The following LDAF1 variants were observed in gnomAD, a reference collection of about 807,000 sequenced individuals.
LDAF1 encodes lipid droplet assembly factor 1, also known as PROMETHIN.
Under a neutral mutation model 13.5 loss-of-function variants are expected in LDAF1, and 7 were observed. The observed-to-expected ratio is 0.52, with a 90% CI of 0.29 to 0.97. The LOEUF is 0.97. LDAF1 is among the 50% of genes least tolerant of loss of function. The probability of loss-of-function intolerance (pLI) is 0.07; values close to 1 mark genes in which losing one functional copy is unlikely to be tolerated. For synonymous variants in LDAF1, 69 were observed against 77.1 expected (o/e 0.89, Z 0.55); for missense variants, 148 against 193.2 (o/e 0.77, Z 1.39).
chr16:21,168,156 C>A (rs1379371425), intron 2 of LDAF1, among the ~76,000 whole-genome samples: 5 of 151,934 alleles, frequency 3.3e-5, no homozygotes, highest in African/African-American at 9.7e-5. Flanking sequence ...CTGGGACTAC[C>A]AGCACGCGCC....
chr16:21,178,061 C>A, intron 4 of LDAF1: 1 of 348,886 alleles, frequency 2.9e-6, no homozygotes, highest in Non-Finnish European at 4.0e-6. Flanking sequence ...GATAATACAG[C>A]TTAAATTTTT....
intron 2 of LDAF1, chr16:21,169,060 G>A (rs1040276125): frequency 2.2e-5 from 7 of 311,396 alleles, no homozygotes; most frequent in South Asian, 2.5e-4. Flanking sequence ...AATAATAATA[G>A]ACAAGTGATT....
chr16:21,163,138 C>T (rs1159854153), intron 2 of LDAF1, among the ~76,000 whole-genome samples: 1 of 152,146 alleles, frequency 6.6e-6, no homozygotes, highest in East Asian at 1.9e-4. Context: ...TGGTTAGGAA[C>T]GCTAGAGAAC....
chr16:21,180,073 T>C lies in LDAF1; in HGVS notation c.*517T>C, dbSNP rs1242146864. On this transcript the variant is annotated 3_prime_UTR_variant, in exon 5 of 5. Coordinates refer to ENST00000233047, the MANE Select transcript of LDAF1 (RefSeq NM_001301771.2). ...TCCAAGTTGGAAAATAGAGTCCAAATGTAACTTTGTGGCCAAGAGTATTTT... is the reference window on the plus strand; with the variant it reads ...TCCAAGTTGGAAAATAGAGTCCAAACGTAACTTTGTGGCCAAGAGTATTTT... 1 of 156,202 alleles carries C rather than the reference T, an allele frequency of 6.4e-6. No homozygotes were observed. Among genetic ancestry groups the C allele is most frequent in the African/African-American group, 2.4e-5 (1 of 41,452 alleles). The allele number at this position is 156,202 out of a possible 1,614,324, so 9.7% of individuals were successfully genotyped here. A position where few individuals can be genotyped will look rare whatever the true frequency, so the allele number is the denominator to read the frequency against.
chr16:21,162,577 A>G (rs2092987128), intron 2 of LDAF1, among the ~76,000 whole-genome samples: 1 of 152,190 alleles, frequency 6.6e-6, no homozygotes, highest in Non-Finnish European at 1.5e-5. Context: ...TAACAAAATG[A>G]ACTATTTTGT....
intron 4 of LDAF1, among the ~76,000 whole-genome samples, chr16:21,179,152 G>T (rs944986165): frequency 2.0e-5 from 3 of 152,112 alleles, no homozygotes; most frequent in African/African-American, 4.8e-5. Context: ...TTCAGTTTTT[G>T]TCCATTGGTA....
At chr16:21,163,014 A>G (rs2092991074) in intron 2 of LDAF1, among the ~76,000 whole-genome samples, 1 of 152,198 alleles carries the variant, frequency 6.6e-6, no homozygotes, top group Admixed American at 6.5e-5. Context: ...GTTAATATAT[A>G]TTGTTGATCA....
intron 1 of LDAF1, chr16:21,159,352 T>C (rs771980815): frequency 6.2e-7 from 1 of 1,614,012 alleles, no homozygotes; most frequent in Non-Finnish European, 8.5e-7. Context: ...CCTCCTCTCC[T>C]TGGGTCTCCC....
At chr16:21,159,578 T>A in intron 1 of LDAF1, 1 of 837,560 alleles carries the variant, frequency 1.2e-6, no homozygotes, top group Non-Finnish European at 1.9e-6. Context: ...GGTGTTGGCC[T>A]GGCCCAGTCC....
chr16:21,173,921 G>T, intron 3 of LDAF1, 89 bp from the exon 4 acceptor site: 1 of 1,276,686 alleles, frequency 7.8e-7, no homozygotes, highest in Non-Finnish European at 1.1e-6. Context: ...CTGAGTTAGC[G>T]GTTGTTATTT....
chr16:21,172,947 A>G (rs921901766), intron 3 of LDAF1: 27 of 481,632 alleles, frequency 5.6e-5, no homozygotes, highest in Non-Finnish European at 7.3e-5. Flanking sequence ...GAAGGATGTC[A>G]GCCATACAAT....
intron 3 of LDAF1, among the ~76,000 whole-genome samples, chr16:21,170,973 A>G (rs2093082497): frequency 6.6e-6 from 1 of 152,224 alleles, no homozygotes; most frequent in South Asian, 2.1e-4. Flanking sequence ...AGATATAATA[A>G]TACAATCTCA....
Position 21,179,691 on chromosome 16 carries a change from T to A in LDAF1, c.*135T>A. 1 of 708,578 alleles carries A rather than the reference T, an allele frequency of 1.4e-6. No homozygotes were observed. Among genetic ancestry groups the A allele is most frequent in the Non-Finnish European group, 2.3e-6 (1 of 432,428 alleles). 43.9% of individuals were successfully genotyped at this position (708,578 alleles called of 1,614,324 possible). A position where few individuals can be genotyped will look rare whatever the true frequency, so the allele number is the denominator to read the frequency against. ...GTCCTCTCGCTTTTTCACTTACTTG[T>A]AGGATCCCGCAGCAGCCAATTTAGG... On this transcript the variant is annotated 3_prime_UTR_variant, in exon 5 of 5. Coordinates refer to ENST00000233047, the MANE Select transcript of LDAF1 (RefSeq NM_001301771.2).
intron 2 of LDAF1, among the ~76,000 whole-genome samples, chr16:21,163,586 A>G (rs1179339880): frequency 1.3e-5 from 2 of 152,184 alleles, no homozygotes; most frequent in African/African-American, 4.8e-5. Context: ...TGAAGGTTGA[A>G]GGGAGCCAAG....
At chr16:21,166,728 G>A in intron 2 of LDAF1, 1 of 795,482 alleles carries the variant, frequency 1.3e-6, no homozygotes, top group East Asian at 2.7e-5. Flanking sequence ...ATCAAATAAG[G>A]ATGCATGTGG....
intron 4 of LDAF1, among the ~76,000 whole-genome samples, chr16:21,176,025 G>T (rs572557701): frequency 6.6e-6 from 1 of 152,240 alleles, no homozygotes; most frequent in Non-Finnish European, 1.5e-5. Context: ...AATTATAGGC[G>T]TAAGGCACTA....
At chr16:21,174,673 T>C (rs1271606712) in intron 4 of LDAF1, among the ~76,000 whole-genome samples, 1 of 152,228 alleles carries the variant, frequency 6.6e-6, no homozygotes. Context: ...TCATTTTCCA[T>C]CACGTATACA....
At position 21,179,457 on chromosome 16, in the gene LDAF1, C is replaced by T; in HGVS notation, c.405-18C>T. The T allele has an allele frequency of 6.2e-7, 1 of 1,614,120 alleles. No individual in the cohort carries two copies. Among genetic ancestry groups the T allele is most frequent in the South Asian group, 1.1e-5 (1 of 91,080 alleles). On this transcript the variant is annotated intron_variant, in intron 4 of 4. Transcript: ENST00000233047. ...ACTGAGGCCCTAGAGCTAACGATCT[C>T]TTCTTGTTATCCGACAGGCCACTGA...
chr16:21,160,976 A>G, intron 1 of LDAF1, 109 bp from the exon 2 acceptor site: 6 of 1,305,920 alleles, frequency 4.6e-6, no homozygotes, highest in Non-Finnish European at 3.0e-6. Context: ...GAATATTGCC[A>G]GGTTACCCTC....
Sources: gnomAD v4.1 joint callset for allele counts (sites outside exome capture counted in the v4.1 genomes callset) on GRCh38, gnomAD v4.1.1 for gene constraint, MANE v1.5 for transcripts, NCBI Gene and HGNC (gene_info 2026-07-23, HGNC 2026-07-21) for gene names.